The following NFRKB variants were observed in gnomAD, a reference collection of about 807,000 sequenced individuals.
NFRKB encodes the protein nuclear factor related to kappaB binding protein.
A neutral mutation model predicts 135.7 loss-of-function variants in NFRKB; 62 were observed. That is an observed-to-expected ratio of 0.46 (90% confidence interval 0.37 to 0.56). NFRKB has a LOEUF of 0.56. Among genes scored for constraint, NFRKB ranks in the 20% least tolerant of loss-of-function variants. The pLI, the probability that NFRKB is intolerant of heterozygous loss-of-function variation, is 0.00. For synonymous variants in NFRKB, 678 were observed against 635.6 expected (o/e 1.07, Z -1.00); for missense variants, 1,545 against 1,662.0 (o/e 0.93, Z 1.22).
chr11:129,875,264 G>T, intron 18 of NFRKB, 93 bp downstream of exon 18: 3 of 1,092,198 alleles, frequency 2.7e-6, no homozygotes, highest in Non-Finnish European at 2.7e-6. Context: ...ACTTCATTCA[G>T]TTTTTAAAAA....
At chr11:129,890,457 C>A (rs1189499136) in intron 3 of NFRKB, among the ~76,000 whole-genome samples, 5 of 152,148 alleles carry the variant, frequency 3.3e-5, no homozygotes, top group Non-Finnish European at 5.9e-5. Flanking sequence ...AACTGCAGTA[C>A]AGTTGTTACT....
intron 13 of NFRKB, among the ~76,000 whole-genome samples, chr11:129,880,093 G>C (rs1028544085): frequency 6.6e-6 from 1 of 152,158 alleles, no homozygotes; most frequent in Non-Finnish European, 1.5e-5. Flanking sequence ...AGTAGGAGGA[G>C]GCAGGAGAAT....
At chr11:129,888,335 A>T in intron 4 of NFRKB, 1 of 637,560 alleles carries the variant, frequency 1.6e-6, no homozygotes, top group Non-Finnish European at 2.8e-6. Flanking sequence ...GAAATGTTTT[A>T]TTTTTTTATG....
rs1183988765 is a variant in NFRKB, at chr11:129,874,719, G to C, written c.1978+74C>G. 1.2e-6 allele frequency: 2 copies of C among 1,611,592 alleles called. No individual in the cohort carries two copies. Among genetic ancestry groups the C allele is most frequent in the East Asian group, 2.2e-5 (1 of 44,858 alleles). ...TGTCCTACCTATATGCCAATGAAAAGAATAATGGAATTGGGGTAGAAAGTC... is the reference window on the plus strand; with the variant it reads ...TGTCCTACCTATATGCCAATGAAAACAATAATGGAATTGGGGTAGAAAGTC... On this transcript the variant is annotated intron_variant, in intron 19 of 26. Coordinates refer to ENST00000682444, the MANE Select transcript of NFRKB (RefSeq NM_001143835.2). The surrounding 1 kb of genome is among the most constrained non-coding windows in gnomAD (Gnocchi z 4.5).
At chr11:129,881,419 G>A (rs752270735) in intron 13 of NFRKB, 24 bp downstream of exon 13, 4 of 1,610,268 alleles carry the variant, frequency 2.5e-6, no homozygotes, top group Middle Eastern at 1.7e-4. Flanking sequence ...AAACCTGTTG[G>A]GGTAGGTAAT....
At chr11:129,887,504 G>A (rs1949333399) in intron 4 of NFRKB, among the ~76,000 whole-genome samples, 1 of 152,134 alleles carries the variant, frequency 6.6e-6, no homozygotes, top group African/African-American at 2.4e-5. Context: ...CCTGCCGAAA[G>A]CCTTTAACCC....
chr11:129,884,073 C>G lies in NFRKB; in HGVS notation c.813G>C (p.Gln271His). 6 of 1,614,218 alleles carry G rather than the reference C, an allele frequency of 3.7e-6. No homozygotes were observed. Among genetic ancestry groups the G allele is most frequent in the Non-Finnish European group, 5.1e-6 (6 of 1,180,030 alleles). ...CCGCACGCCCTTCCCATCTTACTGG[C>G]TGATGTTTCCGCTTCTCGTGGTGCT... ...LKKHHEKRKH[Q>H]PDHPDLLTGD... Residue 271 changes from glutamine to histidine, a missense_variant, in exon 8 of 27, where the codon CAG becomes CAC. This residue lies in a region of NFRKB where 678 missense variants were observed against 646.7 expected (regional missense o/e 1.05). Transcript: ENST00000682444.
chr11:129,888,450 A>T, intron 4 of NFRKB, 144 bp downstream of exon 4: 1 of 821,898 alleles, frequency 1.2e-6, no homozygotes, highest in Non-Finnish European at 2.1e-6. Flanking sequence ...CCTAGACAGC[A>T]AAGTGTTACA....
At chr11:129,871,232 ATTG>A (rs1443634580) in intron 23 of NFRKB, among the ~76,000 whole-genome samples, 2 of 152,058 alleles carry the variant, frequency 1.3e-5, no homozygotes, top group African/African-American at 2.4e-5. Context: ...TTTTTGTTGT[ATTG>A]TTGTTTTTTA....
At chr11:129,884,899 G>C in intron 6 of NFRKB, 53 bp from the exon 7 acceptor site, 1 of 1,613,094 alleles carries the variant, frequency 6.2e-7, no homozygotes, top group Non-Finnish European at 8.5e-7. Flanking sequence ...ACTCCAATAG[G>C]GGAGATTGGG....
rs1417824277 is a variant in NFRKB at position 129,877,337 on chromosome 11, A to C, written c.1560T>G (p.Val520=). Residue 520 remains valine, a synonymous_variant, in exon 16 of 27, where the codon GTT becomes GTG. Coordinates refer to ENST00000682444, the MANE Select transcript of NFRKB (RefSeq NM_001143835.2). ...TTTAGGTTCTTACCTGCTCCTGAAA[A>C]ACCCGTTTCTCCTCCCCCGTGCTGG... The part of the protein sequence containing the change: ...VRPSTGEEKR[V]FQEQERYRYS... 6.2e-7 allele frequency: 1 copy of C among 1,613,920 alleles called. No individual in the cohort carries two copies. The highest frequency in any genetic ancestry group is 8.5e-7 in the Non-Finnish European group (1 of 1,180,008).
At position 129,874,415 on chromosome 11, in the gene NFRKB, C is replaced by G. The variant is rs1948668200; in HGVS notation, c.2059-82G>C. The G allele has an allele frequency of 1.3e-6, 2 of 1,547,652 alleles. No individual in the cohort carries two copies. The highest frequency in any genetic ancestry group is 2.5e-5 in the South Asian group (2 of 79,208). On this transcript the variant is annotated intron_variant, in intron 20 of 26. Coordinates refer to ENST00000682444, the MANE Select transcript of NFRKB (RefSeq NM_001143835.2). The surrounding 1 kb of genome is among the most constrained non-coding windows in gnomAD (Gnocchi z 4.5). Reference sequence around the variant, plus strand: ...GGGACACCCCTACAGCTCCTGATGCCCCACACCAAGTGAAAGCCGAGCAGC... The same window carrying G: ...GGGACACCCCTACAGCTCCTGATGCGCCACACCAAGTGAAAGCCGAGCAGC...
chr11:129,888,492 A>T, intron 4 of NFRKB, 102 bp downstream of exon 4: 1 of 1,181,574 alleles, frequency 8.5e-7, no homozygotes, highest in Non-Finnish European at 1.3e-6. Context: ...CAGTATCTGT[A>T]CATGAAGATA....
intron 13 of NFRKB, among the ~76,000 whole-genome samples, chr11:129,880,242 C>A: frequency 6.6e-6 from 1 of 152,054 alleles, no homozygotes; most frequent in East Asian, 1.9e-4. Context: ...GGGATCTCCA[C>A]CCTCCAAGTC....
At chr11:129,886,254 C>T (rs1672814477) in intron 5 of NFRKB, 63 bp downstream of exon 5, 1 of 1,549,656 alleles carries the variant, frequency 6.5e-7, no homozygotes, top group Non-Finnish European at 8.7e-7. Context: ...ACCTGAATTG[C>T]TTCTTGAAGT....
In NFRKB at chr11:129,877,254, G is replaced by A. The variant is rs552569161; in HGVS notation, c.1572+71C>T. ...TTCTTGCAAGAAGGTAGATGCAGGA[G>A]AGTCAGGCTCAGAGCATCTCTCTGC... is the stretch of plus-strand genomic sequence containing the variant. On this transcript the variant is annotated intron_variant, in intron 16 of 26. Coordinates refer to ENST00000682444, the MANE Select transcript of NFRKB (RefSeq NM_001143835.2). 19 of 1,418,884 alleles carry A rather than the reference G, an allele frequency of 1.3e-5. No individual in the cohort carries two copies. In the African/African-American group the frequency reaches 2.0e-4, roughly 15 times the overall value. 87.9% of individuals were successfully genotyped at this position (1,418,884 alleles called of 1,614,324 possible).
At chr11:129,881,882 C>CA in intron 11 of NFRKB, 29 bp from the exon 12 acceptor site, 1 of 1,570,238 alleles carries the variant, frequency 6.4e-7, no homozygotes, top group Non-Finnish European at 8.6e-7. Context: ...AGAACCCAGT[C>CA]AGACTTCTCT....
At chr11:129,881,619 C>T (rs948280373) in intron 12 of NFRKB, 108 bp downstream of exon 12, 3 of 1,586,786 alleles carry the variant, frequency 1.9e-6, no homozygotes, top group South Asian at 1.1e-5. Context: ...CAAGGCATAG[C>T]ATTATGCAAA....
intron 16 of NFRKB, 118 bp downstream of exon 16, chr11:129,877,207 G>T: frequency 9.7e-7 from 1 of 1,036,180 alleles, no homozygotes; most frequent in Non-Finnish European, 1.5e-6. Flanking sequence ...CCAACAGAAG[G>T]TCTAAGGGGA....
Sources: gnomAD v4.1 joint callset for allele counts (sites outside exome capture counted in the v4.1 genomes callset) on GRCh38, gnomAD v4.1.1 for gene constraint, gnomAD v4.1.1 regional missense constraint, Gnocchi (gnomAD v3.1) non-coding constraint, MANE v1.5 for transcripts, NCBI Gene and HGNC (gene_info 2026-07-23, HGNC 2026-07-21) for gene names.